The following ZNF263 variants were observed in gnomAD, a reference collection of about 807,000 sequenced individuals.
ZNF263 encodes the protein zinc finger protein FPM315.
ZNF263 carries 49 observed loss-of-function variants against 63.1 expected under a neutral mutation model. That is an observed-to-expected ratio of 0.78 (90% CI 0.62 to 0.99). The LOEUF (loss-of-function observed/expected upper bound fraction) is 0.99. Ranked by LOEUF, ZNF263 falls within the 50% of genes least tolerant of loss-of-function variation. ZNF263 has a pLI of 0.00. For synonymous variants in ZNF263, 352 were observed against 324.2 expected, an observed-to-expected ratio of 1.09 and a Z score of -0.92; for missense variants, 872 against 854.8, an observed-to-expected ratio of 1.02 and a Z score of -0.25.
chr16:3,284,350 C>T (rs1398954249), intron 1 of ZNF263, 145 bp downstream of exon 1: 45 of 1,321,348 alleles, frequency 3.4e-5, no homozygotes, highest in Non-Finnish European at 4.0e-5. Flanking sequence ...GAACACTCAT[C>T]CTCCAGATTT....
chr16:3,297,309 A>AAG (rs1315964275), intron 1 of ZNF263, among the ~76,000 whole-genome samples: 1 of 151,592 alleles, frequency 6.6e-6, no homozygotes, highest in African/African-American at 2.4e-5. Context: ...AAAAAAAAAA[A>AAG]AGAGAAATTC....
rs147453586 is a variant in ZNF263 at position 3,296,821 on chromosome 16, A to T, written c.152-2285A>T. ...AAAATGAGAACTCCATTAAATGAAAACTGCACTTACAATTTGAAAGGAGAG... is the reference window on the plus strand; with the variant it reads ...AAAATGAGAACTCCATTAAATGAAATCTGCACTTACAATTTGAAAGGAGAG... On this transcript the variant is annotated intron_variant, in intron 1 of 2. Coordinates refer to the ZNF263 transcript ENST00000574674. Among the ~76,000 whole-genome samples the T allele has an allele frequency of 1.3e-3, 204 of 152,352 alleles. 1 individual carries two copies. The highest frequency in any genetic ancestry group is 4.6e-3 in the African/African-American group (191 of 41,582).
At chr16:3,288,855 C>T (rs373494032) in intron 5 of ZNF263, among the ~76,000 whole-genome samples, 1 of 152,228 alleles carries the variant, frequency 6.6e-6, no homozygotes, top group African/African-American at 2.4e-5. Flanking sequence ...CCATATTGGT[C>T]AGGCTGGTCT....
chr16:3,285,913 T>C lies in ZNF263; in HGVS notation c.643-110T>C, dbSNP rs111906313. The C allele has an allele frequency of 6.9e-6, 11 of 1,584,256 alleles. No homozygotes were observed. In the African/African-American group the frequency reaches 1.5e-4, roughly 21 times the overall value. On this transcript the variant is annotated intron_variant, in intron 3 of 5. Coordinates refer to ENST00000219069, the MANE Select transcript of ZNF263 (RefSeq NM_005741.5). Reference sequence around the variant, plus strand: ...TCACTTGGAGGCCTGATACCCTTCTTCCCCCCTGACATGTGCTTGGCATCC... The same window carrying C: ...TCACTTGGAGGCCTGATACCCTTCTCCCCCCCTGACATGTGCTTGGCATCC...
At chr16:3,292,910 G>C (rs1162221068), downstream of ZNF263, 1 of 152,214 alleles carries the variant, frequency 6.6e-6, no homozygotes, top group East Asian at 1.9e-4. Context: ...ATGTAAGAAA[G>C]TGCCAACTGT....
chr16:3,298,689 G>T (rs1959836538), intron 1 of ZNF263: 1 of 233,660 alleles, frequency 4.3e-6, no homozygotes, highest in Non-Finnish European at 8.2e-6. Flanking sequence ...TATACGATAT[G>T]ATTACAAACT....
intron 1 of ZNF263, among the ~76,000 whole-genome samples, chr16:3,298,290 GTA>G (rs1310251339): frequency 6.6e-6 from 1 of 152,142 alleles, no homozygotes; most frequent in African/African-American, 2.4e-5. Context: ...GTTTCCTTAT[GTA>G]TTTGAAAAGG....
At position 3,284,184 on chromosome 16, in the gene ZNF263, G is replaced by C; in HGVS notation, c.366G>C (p.Glu122Asp). The C allele has an allele frequency of 6.5e-7, 1 of 1,548,418 alleles. No individual in the cohort carries two copies. The highest frequency in any genetic ancestry group is 8.7e-7 in the Non-Finnish European group (1 of 1,145,444). The change falls in exon 1 of 6, where the codon GAG becomes GAC. Residue 122 changes from glutamate (E) to aspartate (D), a missense_variant. By Grantham distance (45) the Glu-to-Asp change is conservative. Transcript: ENST00000219069. ...AVTLVEDMQR[E>D]LGRLRQQVTN... ...CCCTTGTGGAGGATATGCAGAGAGAGCTTGGGAGACTGAGACAACAGGTGA... is the reference window on the plus strand; with the variant it reads ...CCCTTGTGGAGGATATGCAGAGAGACCTTGGGAGACTGAGACAACAGGTGA...
chr16:3,291,051 C>T lies in ZNF263; in HGVS notation c.*493C>T, dbSNP rs967409263. On this transcript the variant is annotated 3_prime_UTR_variant, in exon 6 of 6. Coordinates refer to ENST00000219069, the MANE Select transcript of ZNF263 (RefSeq NM_005741.5). ...AGACTGGTTGTGAGTTGCAGCTGTC[C>T]CGAAGGCCCCAGTTGGGAAGCCATG... 1.0e-6 allele frequency: 1 copy of T among 994,278 alleles called. No homozygotes were observed. Among genetic ancestry groups the T allele is most frequent in the Non-Finnish European group, 1.2e-6 (1 of 834,302 alleles). 61.6% of individuals were successfully genotyped at this position (994,278 alleles called of 1,614,324 possible). A position where few individuals can be genotyped will look rare whatever the true frequency, so the allele number is the denominator to read the frequency against.
rs375516445 is a variant in ZNF263, at chr16:3,290,521, C to G, written c.2015C>G (p.Ser672Cys). 1.2e-6 allele frequency: 2 copies of G among 1,613,472 alleles called. No individual in the cohort carries two copies. The highest frequency in any genetic ancestry group is 2.2e-5 in the South Asian group (2 of 91,002). Residue 672 changes from serine to cysteine, a missense_variant, in exon 6 of 6, where the codon TCC becomes TGC. Transcript: ENST00000219069. ...TGTGGAGAAAGCTTCTCTCGGAGTT[C>G]CCGTCTTATGAGTCATCAGAGAACT... ...SECGESFSRS[S>C]RLMSHQRTHT...
intron 4 of ZNF263, 101 bp from the exon 5 acceptor site, chr16:3,288,353 G>T: frequency 2.4e-6 from 2 of 837,964 alleles, no homozygotes; most frequent in Non-Finnish European, 4.1e-6. Flanking sequence ...GATTTATGGA[G>T]CATTCTGTAT....
chr16:3,290,976 C>T lies in ZNF263; in HGVS notation c.*418C>T, dbSNP rs1959592970. 1 of 999,226 alleles carries T rather than the reference C, an allele frequency of 1.0e-6. No individual in the cohort carries two copies. The highest frequency in any genetic ancestry group is 1.2e-6 in the Non-Finnish European group (1 of 836,750). 61.9% of individuals were successfully genotyped at this position (999,226 alleles called of 1,614,324 possible). A position where few individuals can be genotyped will look rare whatever the true frequency, so the allele number is the denominator to read the frequency against. ...ATTTGGGCTTCCGGGGCCCCTGAGA[C>T]CAAAGAAGAGGGGCCAAGTACCCTG... is the stretch of plus-strand genomic sequence containing the variant. On this transcript the variant is annotated 3_prime_UTR_variant, in exon 6 of 6. Transcript: ENST00000219069.
rs1262268060 is a variant in ZNF263 at position 3,290,243 on chromosome 16, T to C, written c.1737T>C (p.Thr579=). The C allele has an allele frequency of 6.2e-7, 1 of 1,614,184 alleles. No homozygotes were observed. The highest frequency in any genetic ancestry group is 1.1e-5 in the South Asian group (1 of 91,078). Residue 579 remains threonine (T), a synonymous_variant, in exon 6 of 6, where the codon ACT becomes ACC. Coordinates refer to ENST00000219069, the MANE Select transcript of ZNF263 (RefSeq NM_005741.5). ...KAEKKLFECL[T]CGKSFRQGMH... ...AGAAGAAGCTCTTTGAATGTTTGACTTGTGGGAAAAGCTTCCGGCAGGGCA... is the reference window on the plus strand; with the variant it reads ...AGAAGAAGCTCTTTGAATGTTTGACCTGTGGGAAAAGCTTCCGGCAGGGCA...
At chr16:3,297,511 C>T (rs575510436) in intron 1 of ZNF263, among the ~76,000 whole-genome samples, 1 of 124,100 alleles carries the variant, frequency 8.1e-6, no homozygotes, top group East Asian at 2.7e-4. Flanking sequence ...GTCGCCCAGG[C>T]TGGAGTGCAG....
Position 3,290,105 on chromosome 16 carries a change from C to G in ZNF263, c.1599C>G (p.Leu533=), listed in dbSNP as rs200782877. The G allele has an allele frequency of 6.2e-7, 1 of 1,613,742 alleles. No homozygotes were observed. Among genetic ancestry groups the G allele is most frequent in the Admixed American group, 1.7e-5 (1 of 59,990 alleles). Residue 533 remains leucine, a synonymous_variant, in exon 6 of 6, where the codon CTC becomes CTG. Coordinates refer to ENST00000219069, the MANE Select transcript of ZNF263 (RefSeq NM_005741.5). ...CGKSFSRSSH[L]VIHERTHERE... ...AAAGTTTCTCTCGGAGTTCACACCT[C>G]GTCATTCACGAAAGAACTCATGAGA...
intron 1 of ZNF263, 43 bp from the exon 2 acceptor site, chr16:3,285,016 T>C (rs1016875285): frequency 1.9e-6 from 3 of 1,607,666 alleles, no homozygotes; most frequent in Admixed American, 1.7e-5. Flanking sequence ...TCCCTTCCTC[T>C]TGGGCCCTGT....
intron 2 of ZNF263, chr16:3,300,159 A>G: frequency 1.9e-6 from 3 of 1,614,124 alleles, no homozygotes; most frequent in African/African-American, 1.3e-5. Flanking sequence ...ATGGCTCAAC[A>G]TTTTCAGAAA....
chr16:3,298,089 C>A (rs1279002736), intron 1 of ZNF263, among the ~76,000 whole-genome samples: 3 of 152,192 alleles, frequency 2.0e-5, no homozygotes, highest in African/African-American at 7.2e-5. Context: ...TACGTTACAT[C>A]CCCTGGTGGA....
intron 2 of ZNF263, chr16:3,299,318 T>G (rs781303130): frequency 4.4e-6 from 7 of 1,602,808 alleles, no homozygotes; most frequent in Non-Finnish European, 6.0e-6. Context: ...TCATCCAACT[T>G]AGTTTCCAAC....
Sources: gnomAD v4.1 joint callset for allele counts (sites outside exome capture counted in the v4.1 genomes callset) on GRCh38, gnomAD v4.1.1 for gene constraint, MANE v1.5 for transcripts, NCBI Gene and HGNC (gene_info 2026-07-23, HGNC 2026-07-21) for gene names.